MACROD2: variants seen among roughly 807,000 people sequenced by gnomAD.
The protein encoded by MACROD2 is mono-ADP ribosylhydrolase 2.
Under a neutral mutation model 70.4 loss-of-function variants are expected in MACROD2, and 36 were observed. The ratio of observed to expected loss-of-function variants is 0.51; its 90% CI spans 0.39 to 0.68. The LOEUF is 0.68. MACROD2 is among the 30% of genes least tolerant of loss of function. The pLI is 0.00. For synonymous variants in MACROD2, 172 were observed against 178.8 expected (o/e 0.96, Z 0.30); for missense variants, 496 against 538.4 (o/e 0.92, Z 0.78).
At chr20:15,244,067 A>C (rs901897401) in intron 6 of MACROD2, among the ~76,000 whole-genome samples, 8 of 152,204 alleles carry the variant, frequency 5.3e-5, no homozygotes, top group Non-Finnish European at 1.0e-4. Flanking sequence ...GCAATTCCTA[A>C]TTACTATATT....
At chr20:15,325,193 G>A (rs2077915549) in intron 6 of MACROD2, among the ~76,000 whole-genome samples, 1 of 152,106 alleles carries the variant, frequency 6.6e-6, no homozygotes, top group Non-Finnish European at 1.5e-5. Context: ...AATAGCTCTG[G>A]ATAGCTAGGA....
At chr20:14,596,294 G>A (rs1288587995) in intron 4 of MACROD2, among the ~76,000 whole-genome samples, 2 of 151,378 alleles carry the variant, frequency 1.3e-5, no homozygotes, top group African/African-American at 4.8e-5. Flanking sequence ...GTTTCACCGT[G>A]TTAGCCAGGA....
chr20:15,400,205 G>T (rs73269026), intron 6 of MACROD2, among the ~76,000 whole-genome samples: 1,789 of 152,310 alleles, frequency 0.012, 48 homozygotes, highest in African/African-American at 0.041. Context: ...TAGATTTTCT[G>T]TAGTGTAGTC....
At chr20:14,203,838 G>C (rs547745429) in intron 3 of MACROD2, among the ~76,000 whole-genome samples, 3 of 152,342 alleles carry the variant, frequency 2.0e-5, no homozygotes, top group East Asian at 3.9e-4. Context: ...GGCAGGTCCA[G>C]GTGGGCCAGT....
At chr20:14,913,391 T>C (rs1387359899) in intron 5 of MACROD2, among the ~76,000 whole-genome samples, 2 of 152,140 alleles carry the variant, frequency 1.3e-5, no homozygotes, top group Non-Finnish European at 1.5e-5. Flanking sequence ...AATTTTTTCT[T>C]AACCTATGAA....
intron 6 of MACROD2, among the ~76,000 whole-genome samples, chr20:15,412,608 G>A (rs2046093644): frequency 6.6e-6 from 1 of 152,170 alleles, no homozygotes; most frequent in Non-Finnish European, 1.5e-5. Context: ...AAAACTGACA[G>A]TTCTCTGGAA....
At chr20:15,967,524 G>C in intron 12 of MACROD2, 29 bp from the exon 13 acceptor site, 1 of 1,587,614 alleles carries the variant, frequency 6.3e-7, no homozygotes, top group Non-Finnish European at 8.6e-7. Flanking sequence ...TAAAAATGCT[G>C]ACCAAAGGTT....
chr20:15,705,742 A>G (rs1361563665), intron 8 of MACROD2, among the ~76,000 whole-genome samples: 1 of 152,222 alleles, frequency 6.6e-6, no homozygotes, highest in Non-Finnish European at 1.5e-5. Context: ...ATTTGGAAAT[A>G]TCAATGAAGA....
chr20:15,428,570 G>A (rs557384718), intron 6 of MACROD2, among the ~76,000 whole-genome samples: 11 of 152,256 alleles, frequency 7.2e-5, no homozygotes, highest in Non-Finnish European at 1.5e-4. Context: ...AACACACCTT[G>A]TTAAACTAAC....
At position 14,219,557 on chromosome 20, in the gene MACROD2, C is replaced by A. The variant is rs112543420; in HGVS notation, c.271+133829C>A. Among the ~76,000 whole-genome samples, 642 of 152,300 alleles carry A rather than the reference C, an allele frequency of 4.2e-3. 9 individuals are homozygous for A. The highest frequency in any genetic ancestry group is 0.015 in the African/African-American group (607 of 41,562). On this transcript the variant is annotated intron_variant, in intron 3 of 17. Transcript: ENST00000684519. ...TAAAGCAGGGATTTCTTCTTGGATC[C>A]ATTGCTGATGAACTAGTGTGATTTT...
chr20:15,964,455 T>A (rs1420046369), intron 12 of MACROD2, among the ~76,000 whole-genome samples: 1 of 152,124 alleles, frequency 6.6e-6, no homozygotes, highest in Non-Finnish European at 1.5e-5. Flanking sequence ...AGGGTACTAA[T>A]CTCATTCATG....
intron 4 of MACROD2, among the ~76,000 whole-genome samples, chr20:14,530,492 G>T (rs1042535067): frequency 7.9e-5 from 12 of 152,204 alleles, no homozygotes; most frequent in African/African-American, 2.9e-4. Context: ...ATTATAGCCA[G>T]TTGTTTCCCT....
At chr20:15,456,749 A>G (rs1014773919) in intron 7 of MACROD2, among the ~76,000 whole-genome samples, 4 of 152,106 alleles carry the variant, frequency 2.6e-5, no homozygotes, top group African/African-American at 4.8e-5. Context: ...AGAAATACCA[A>G]TGCCTGGGTC....
intron 8 of MACROD2, among the ~76,000 whole-genome samples, chr20:15,793,658 T>G (rs992322874): frequency 3.3e-5 from 5 of 151,606 alleles, no homozygotes; most frequent in Non-Finnish European, 7.4e-5. Flanking sequence ...AAGAATAGAC[T>G]TAGTGAAATA....
intron 5 of MACROD2, among the ~76,000 whole-genome samples, chr20:14,831,213 A>G (rs1184510145): frequency 6.6e-6 from 1 of 152,070 alleles, no homozygotes; most frequent in Non-Finnish European, 1.5e-5. Flanking sequence ...GAATAAGTTA[A>G]TTACTCTGGA....
At position 14,276,630 on chromosome 20, in the gene MACROD2, T is replaced by TAATAA. The variant is rs753242908; in HGVS notation, c.271+190918_271+190922dup. Among the ~76,000 whole-genome samples, 344 of 151,988 alleles carry TAATAA rather than the reference T, an allele frequency of 2.3e-3. 1 individual carries two copies. Among genetic ancestry groups the TAATAA allele is most frequent in the Non-Finnish European group, 3.9e-3 (266 of 67,934 alleles). Reference sequence around the variant, plus strand: ...TACCCTAAAACTTAAAGTATAATAATAATAAAATAAAATAAAATAAGACAC... The same window carrying TAATAA: ...TACCCTAAAACTTAAAGTATAATAATAATAAAATAAAATAAAATAAAATAAGACAC... On this transcript the variant is annotated intron_variant, in intron 3 of 17. Coordinates refer to ENST00000684519, the MANE Select transcript of MACROD2 (RefSeq NM_001351661.2).
intron 8 of MACROD2, among the ~76,000 whole-genome samples, chr20:15,636,893 A>G (rs776326603): frequency 1.1e-4 from 16 of 152,116 alleles, no homozygotes; most frequent in African/African-American, 3.9e-4. Context: ...ACTAAAACTA[A>G]TGAATGGAAG....
intron 8 of MACROD2, among the ~76,000 whole-genome samples, chr20:15,839,976 C>T (rs891616915): frequency 1.3e-5 from 2 of 152,132 alleles, no homozygotes; most frequent in Non-Finnish European, 2.9e-5. Context: ...AGAATTGTAG[C>T]ACATATTAAT....
intron 3 of MACROD2, among the ~76,000 whole-genome samples, chr20:14,201,270 G>A (rs1231672030): frequency 1.3e-5 from 2 of 152,082 alleles, no homozygotes; most frequent in African/African-American, 4.8e-5. Context: ...TGGAAGAAAG[G>A]CCTTGGATAA....
Sources: allele counts gnomAD v4.1 joint callset (sites outside exome capture counted in the v4.1 genomes callset), GRCh38; gene constraint gnomAD v4.1.1; transcripts MANE v1.5; gene names NCBI Gene and HGNC (gene_info 2026-07-23, HGNC 2026-07-21).